GPR39: variants seen among roughly 807,000 people sequenced by gnomAD.
GPR39 encodes the protein zinc sensing receptor.
Under a neutral mutation model 18.4 loss-of-function variants are expected in GPR39, and 23 were observed. The ratio of observed to expected loss-of-function variants is 1.25; its 90% CI spans 0.90 to 1.77. GPR39 has a LOEUF of 1.77. GPR39 is among the 40% of genes most tolerant of loss of function. The pLI is 0.00. For missense variants in GPR39, 647 were observed against 602.4 expected (o/e 1.07, Z -0.78); for synonymous variants, 280 against 257.9 (o/e 1.09, Z -0.82).
At chr2:132,419,516 TGTA>T (rs1484127804) in intron 1 of GPR39, among the ~76,000 whole-genome samples, 1 of 152,210 alleles carries the variant, frequency 6.6e-6, no homozygotes, top group Admixed American at 6.5e-5. Context: ...TTCTGGAAGT[TGTA>T]GTAGGTAACG....
chr2:132,528,920 G>A (rs550042664), intron 1 of GPR39, among the ~76,000 whole-genome samples: 4 of 152,270 alleles, frequency 2.6e-5, no homozygotes, highest in South Asian at 2.1e-4. Context: ...AACAGCTCCA[G>A]TCTACAGCTC....
In GPR39 at chr2:132,430,808, A is replaced by G. The variant is rs569675783; in HGVS notation, c.856+12910A>G. ...AGCGGGTTACAGAGCCAGGGAGCAG[A>G]AACAACAGACACCCCCTGTGGGGAC... On this transcript the variant is annotated intron_variant, in intron 1 of 1. Transcript: ENST00000329321. 1.7e-4 allele frequency among the ~76,000 whole-genome samples: 26 copies of G among 152,326 alleles called. No individual in the cohort carries two copies. In the South Asian group the frequency reaches 5.4e-3, roughly 32 times the overall value.
At chr2:132,591,699 C>T (rs966065456) in intron 1 of GPR39, among the ~76,000 whole-genome samples, 10 of 152,170 alleles carry the variant, frequency 6.6e-5, no homozygotes, top group Non-Finnish European at 1.3e-4. Flanking sequence ...AAACGAGAAA[C>T]ACATCTATTA....
chr2:132,570,209 A>G (rs552822356), intron 1 of GPR39, among the ~76,000 whole-genome samples: 28 of 151,752 alleles, frequency 1.8e-4, no homozygotes, highest in African/African-American at 6.5e-4. Context: ...TTCCACCTTT[A>G]TCCAGGCTTC....
At chr2:132,495,670 A>G (rs16832308) in intron 1 of GPR39, among the ~76,000 whole-genome samples, 3,802 of 152,262 alleles carry the variant, frequency 0.025, 98 homozygotes, top group African/African-American at 0.062. Flanking sequence ...GACAGTTTCA[A>G]ATTTCCTGCC....
chr2:132,490,050 C>T (rs954024449), intron 1 of GPR39, among the ~76,000 whole-genome samples: 4 of 151,820 alleles, frequency 2.6e-5, no homozygotes, highest in African/African-American at 4.9e-5. Context: ...TGCTCACCTG[C>T]TTTCTGTCCT....
At chr2:132,553,027 G>A (rs1680077056) in intron 1 of GPR39, among the ~76,000 whole-genome samples, 1 of 151,236 alleles carries the variant, frequency 6.6e-6, no homozygotes. Context: ...CCAGGTTCAA[G>A]CAATTCTCAT....
chr2:132,577,531 GTC>G (rs1441910614), intron 1 of GPR39, among the ~76,000 whole-genome samples: 2 of 150,456 alleles, frequency 1.3e-5, no homozygotes, highest in East Asian at 1.9e-4. Flanking sequence ...GAACATGTAA[GTC>G]TCTGTTTATT....
chr2:132,578,168 G>A (rs1290625171), intron 1 of GPR39, among the ~76,000 whole-genome samples: 6 of 151,336 alleles, frequency 4.0e-5, no homozygotes, highest in East Asian at 3.9e-4. Context: ...TGTCGATGTG[G>A]TAGATTACAT....
rs926154044 is a variant in GPR39 at position 132,581,824 on chromosome 2, C to T, written c.857-63277C>T. On this transcript the variant is annotated intron_variant, in intron 1 of 1. Coordinates refer to ENST00000329321, the MANE Select transcript of GPR39 (RefSeq NM_001508.3). The stretch of plus-strand genomic sequence containing the variant: ...CTAATGAAGTATGGTGCTCTTGGGG[C>T]CCATCTTTCAGGGCGAGTGATTCAT... Among the ~76,000 whole-genome samples, 3 of 152,280 alleles carry T rather than the reference C, an allele frequency of 2.0e-5. No individual in the cohort carries two copies. In the South Asian group the frequency reaches 6.2e-4, roughly 32 times the overall value.
Position 132,528,187 on chromosome 2 carries a change from A to G in GPR39, c.856+110289A>G, listed in dbSNP as rs1178196773. ...CCCAGTACCACTTATTAAATGGGGAATCCTTTCTCCATTGCTTGTTTTTGT... is the reference window on the plus strand; with the variant it reads ...CCCAGTACCACTTATTAAATGGGGAGTCCTTTCTCCATTGCTTGTTTTTGT... On this transcript the variant is annotated intron_variant, in intron 1 of 1. Coordinates refer to ENST00000329321, the MANE Select transcript of GPR39 (RefSeq NM_001508.3). Among the ~76,000 whole-genome samples the G allele has an allele frequency of 2.0e-5, 3 of 152,136 alleles. No homozygotes were observed. In the East Asian group the frequency reaches 5.8e-4, roughly 29 times the overall value.
intron 1 of GPR39, among the ~76,000 whole-genome samples, chr2:132,593,966 CTGA>C (rs983920366): frequency 3.8e-4 from 58 of 152,290 alleles, no homozygotes; most frequent in African/African-American, 1.3e-3. Context: ...TCCCGCCTCC[CTGA>C]TATTTTGTCC....
intron 1 of GPR39, among the ~76,000 whole-genome samples, chr2:132,441,384 CTTTT>C (rs56044915): frequency 2.2e-5 from 2 of 92,418 alleles, no homozygotes; most frequent in African/African-American, 6.4e-5. Flanking sequence ...TGCATATATG[CTTTT>C]TTTTTTGTTG....
chr2:132,532,082 C>G (rs142250513), intron 1 of GPR39, among the ~76,000 whole-genome samples: 8,790 of 151,872 alleles, frequency 0.058, 400 homozygotes, highest in African/African-American at 0.12. Context: ...GAAAGATCAA[C>G]AAAATTGATA....
intron 1 of GPR39, among the ~76,000 whole-genome samples, chr2:132,625,053 G>A (rs1171695365): frequency 4.7e-5 from 7 of 150,504 alleles, no homozygotes; most frequent in Admixed American, 2.7e-4. Flanking sequence ...GGCAGTGTAC[G>A]GGAGTTCTAG....
chr2:132,537,749 A>T (rs1474626143), intron 1 of GPR39, among the ~76,000 whole-genome samples: 1 of 151,436 alleles, frequency 6.6e-6, no homozygotes, highest in African/African-American at 2.4e-5. Flanking sequence ...TTTCCTTTTC[A>T]TTCTTTTTTC....
intron 1 of GPR39, among the ~76,000 whole-genome samples, chr2:132,583,044 C>A (rs952384629): frequency 6.7e-6 from 1 of 150,362 alleles, no homozygotes; most frequent in Non-Finnish European, 1.5e-5. Context: ...ACTACAAGTA[C>A]CTGCCACCAT....
intron 1 of GPR39, among the ~76,000 whole-genome samples, chr2:132,596,807 G>T (rs993230529): frequency 9.9e-5 from 15 of 152,162 alleles, no homozygotes; most frequent in African/African-American, 3.1e-4. Flanking sequence ...CAGGATCTCT[G>T]GGAATGGAAC....
At chr2:132,547,825 A>G (rs1030727650) in intron 1 of GPR39, among the ~76,000 whole-genome samples, 1 of 152,210 alleles carries the variant, frequency 6.6e-6, no homozygotes, top group Non-Finnish European at 1.5e-5. Flanking sequence ...TTCCTGAATT[A>G]GGCACAGAAA....
Sources: allele counts gnomAD v4.1 joint callset (sites outside exome capture counted in the v4.1 genomes callset), GRCh38; gene constraint gnomAD v4.1.1; transcripts MANE v1.5; gene names NCBI Gene and HGNC (gene_info 2026-07-23, HGNC 2026-07-21).